The following RBFOX1 variants were observed in gnomAD, a reference collection of about 807,000 sequenced individuals.
RBFOX1 encodes RNA binding protein fox-1 homolog 1.
In RBFOX1, 8 loss-of-function variants were observed where a neutral mutation model predicts 57.7. The observed-to-expected ratio is 0.14, with a 90% CI of 0.08 to 0.25. The LOEUF (loss-of-function observed/expected upper bound fraction) is 0.25. RBFOX1 is among the 10% of genes least tolerant of loss of function. The pLI is 1.00. For missense variants in RBFOX1, 611 were observed against 548.5 expected (o/e 1.11, Z -1.14); for synonymous variants, 326 against 222.4 (o/e 1.47, Z -4.15).
At chr16:6,359,095 T>C (rs1240255229) in intron 2 of RBFOX1, among the ~76,000 whole-genome samples, 2 of 151,964 alleles carry the variant, frequency 1.3e-5, no homozygotes, top group African/African-American at 4.8e-5. Context: ...TGTTTGTTTG[T>C]TTGTTTGTTT....
At chr16:7,043,426 A>G (rs1031816697) in intron 3 of RBFOX1, among the ~76,000 whole-genome samples, 1 of 152,162 alleles carries the variant, frequency 6.6e-6, no homozygotes. Flanking sequence ...CATATGTCAA[A>G]TGTGTATCAT....
At chr16:6,473,274 G>A (rs1238984052) in intron 2 of RBFOX1, among the ~76,000 whole-genome samples, 1 of 152,120 alleles carries the variant, frequency 6.6e-6, no homozygotes, top group South Asian at 2.1e-4. Context: ...CAGGGTACAT[G>A]TCTGTCTCAT....
chr16:7,622,383 T>C (rs1264081620), intron 10 of RBFOX1, among the ~76,000 whole-genome samples: 1 of 152,194 alleles, frequency 6.6e-6, no homozygotes, highest in African/African-American at 2.4e-5. Context: ...GTAAAACACT[T>C]TGGGAACTCT....
At chr16:7,249,116 G>A (rs1411769316) in intron 4 of RBFOX1, among the ~76,000 whole-genome samples, 1 of 152,128 alleles carries the variant, frequency 6.6e-6, no homozygotes, top group East Asian at 1.9e-4. Flanking sequence ...ATGGGAGAGG[G>A]AAAGGAAGGA....
chr16:5,908,340 G>T lies in RBFOX1; in HGVS notation c.351+41005G>T, dbSNP rs1170106014. Among the ~76,000 whole-genome samples the T allele has an allele frequency of 3.1e-5, 4 of 128,178 alleles. No individual in the cohort carries two copies. In the South Asian group the frequency reaches 8.8e-4, roughly 28 times the overall value. 84.1% of individuals were successfully genotyped at this position (128,178 alleles called of 152,430 possible). A position where few individuals can be genotyped will look rare whatever the true frequency, so the allele number is the denominator to read the frequency against. On this transcript the variant is annotated intron_variant, in intron 4 of 19. Coordinates refer to the RBFOX1 transcript ENST00000641259. Reference sequence around the variant, plus strand: ...CACACACACATATATATATGTGTGTGTGTGTGTGTGTGTCTGTGTGTGTTT... The same window carrying T: ...CACACACACATATATATATGTGTGTTTGTGTGTGTGTGTCTGTGTGTGTTT...
chr16:5,868,951 C>T (rs1031840248), intron 4 of RBFOX1, among the ~76,000 whole-genome samples: 2 of 152,034 alleles, frequency 1.3e-5, no homozygotes, highest in Admixed American at 6.6e-5. Context: ...TTGCACTGCA[C>T]GCATCGTTAT....
rs78630054 is a variant in RBFOX1 at position 6,955,248 on chromosome 16, A to T, written c.-15-96809A>T. Among the ~76,000 whole-genome samples the T allele has an allele frequency of 5.4e-4, 80 of 149,464 alleles. No homozygotes were observed. In the East Asian group the frequency reaches 0.013, roughly 24 times the overall value. On this transcript the variant is annotated intron_variant, in intron 3 of 15. Coordinates refer to ENST00000550418, the MANE Select transcript of RBFOX1 (RefSeq NM_018723.4). ...AGAGTGAGACCTTGTCTGGGAAGAAAAAAAGAAAAAAAGAAATTTAATCTA... is the reference window on the plus strand; with the variant it reads ...AGAGTGAGACCTTGTCTGGGAAGAATAAAAGAAAAAAAGAAATTTAATCTA...
At chr16:5,893,497 C>G (rs181774244) in intron 4 of RBFOX1, among the ~76,000 whole-genome samples, 4 of 152,100 alleles carry the variant, frequency 2.6e-5, no homozygotes, top group African/African-American at 9.7e-5. Flanking sequence ...TGTTACGCAT[C>G]GCATACCTGT....
At chr16:5,783,192 CATAAA>C (rs2054382998) in intron 3 of RBFOX1, among the ~76,000 whole-genome samples, 1 of 152,300 alleles carries the variant, frequency 6.6e-6, no homozygotes, top group East Asian at 1.9e-4. Context: ...ATATAATTTA[CATAAA>C]ATAAAATTCG....
chr16:7,446,795 G>GTTTTTTT (rs1567209049), intron 4 of RBFOX1, among the ~76,000 whole-genome samples: 34 of 128,130 alleles, frequency 2.7e-4, no homozygotes, highest in African/African-American at 9.4e-4. Context: ...GGTAGGTCTA[G>GTTTTTTT]GTATTTTTTT....
intron 2 of RBFOX1, among the ~76,000 whole-genome samples, chr16:5,553,727 A>G (rs537155570): frequency 3.3e-5 from 5 of 151,600 alleles, no homozygotes; most frequent in Admixed American, 2.0e-4. Context: ...ATACACATAT[A>G]TATGTATATA....
intron 1 of RBFOX1, among the ~76,000 whole-genome samples, chr16:5,429,211 T>C (rs2151507944): frequency 6.6e-6 from 1 of 152,268 alleles, no homozygotes; most frequent in Admixed American, 6.5e-5. Flanking sequence ...TCCACAGTAA[T>C]CTCTTTGCTT....
chr16:6,759,964 A>G (rs1188736636), intron 3 of RBFOX1, among the ~76,000 whole-genome samples: 2 of 152,218 alleles, frequency 1.3e-5, no homozygotes, highest in Non-Finnish European at 2.9e-5. Context: ...GATATTTTGT[A>G]TCAGCCCTTG....
intron 3 of RBFOX1, among the ~76,000 whole-genome samples, chr16:5,743,401 C>T (rs1041525472): frequency 6.6e-6 from 1 of 152,130 alleles, no homozygotes; most frequent in African/African-American, 2.4e-5. Flanking sequence ...GAGACCTTTG[C>T]AGAGCATGTC....
At chr16:7,577,280 T>A (rs951787687) in intron 5 of RBFOX1, among the ~76,000 whole-genome samples, 1 of 152,200 alleles carries the variant, frequency 6.6e-6, no homozygotes, top group Non-Finnish European at 1.5e-5. Context: ...CTCAGACTCT[T>A]GCTTTGCACA....
chr16:5,265,135 C>T (rs1244203667), intron 1 of RBFOX1, among the ~76,000 whole-genome samples: 2 of 152,052 alleles, frequency 1.3e-5, no homozygotes, highest in Non-Finnish European at 2.9e-5. Context: ...TAGAAAAAAT[C>T]TGAGAATCTG....
chr16:6,514,236 T>C (rs1261447996), intron 2 of RBFOX1, among the ~76,000 whole-genome samples: 1 of 152,156 alleles, frequency 6.6e-6, no homozygotes, highest in Non-Finnish European at 1.5e-5. Flanking sequence ...ATGTTTAGAA[T>C]GCCATTTGTA....
intron 2 of RBFOX1, among the ~76,000 whole-genome samples, chr16:6,652,457 A>T (rs1241757099): frequency 6.6e-6 from 1 of 151,912 alleles, no homozygotes. Context: ...AGGAAAGAAA[A>T]AAAAAAGCCA....
At chr16:7,092,548 GA>G (rs1275161035) in intron 4 of RBFOX1, among the ~76,000 whole-genome samples, 1 of 152,150 alleles carries the variant, frequency 6.6e-6, no homozygotes, top group Non-Finnish European at 1.5e-5. Flanking sequence ...CCAATTCTTT[GA>G]TTATCAGTTG....
Sources: gnomAD v4.1 joint callset for allele counts (sites outside exome capture counted in the v4.1 genomes callset) on GRCh38, gnomAD v4.1.1 for gene constraint, MANE v1.5 for transcripts, NCBI Gene and HGNC (gene_info 2026-07-23, HGNC 2026-07-21) for gene names.